The following CAST variants were observed in gnomAD, a reference collection of about 807,000 sequenced individuals.
CAST encodes calpastatin, also known as MIR583 host.
A neutral mutation model predicts 119.6 loss-of-function variants in CAST; 76 were observed. The ratio of observed to expected loss-of-function variants is 0.64; its 90% confidence interval spans 0.53 to 0.77. The LOEUF (loss-of-function observed/expected upper bound fraction) is 0.77. Ranked by LOEUF, CAST falls within the 30% of genes least tolerant of loss-of-function variation. The probability of loss-of-function intolerance (pLI) is 0.00; values close to 1 mark genes in which losing one functional copy is unlikely to be tolerated. For missense variants in CAST, 953 were observed against 946.5 expected, an observed-to-expected ratio of 1.01 and a Z score of -0.09; for synonymous variants, 319 against 331.6, an observed-to-expected ratio of 0.96 and a Z score of 0.41.
chr5:96,628,595 T>G (rs958351254), intron 1 of CAST, among the ~76,000 whole-genome samples: 2 of 152,200 alleles, frequency 1.3e-5, no homozygotes, highest in East Asian at 1.9e-4. Context: ...GCCCCAAGCT[T>G]GTCTCTGCCA....
At chr5:96,574,445 T>C (rs1268303621) in intron 1 of CAST, among the ~76,000 whole-genome samples, 2 of 152,230 alleles carry the variant, frequency 1.3e-5, no homozygotes, top group African/African-American at 4.8e-5. Flanking sequence ...TAGTCATTTA[T>C]TGAACATACG....
chr5:96,224,011 T>A, the CAST span, among the ~76,000 whole-genome samples: 2 of 152,112 alleles, frequency 1.3e-5, no homozygotes, highest in Non-Finnish European at 2.9e-5. Context: ...AAGAATAGAT[T>A]GTGATGGTTA....
At chr5:96,167,298 G>C in the CAST span, among the ~76,000 whole-genome samples, 5 of 152,196 alleles carry the variant, frequency 3.3e-5, no homozygotes, top group African/African-American at 9.6e-5. Context: ...TAAACCGGCA[G>C]TGTAAACAAG....
chr5:96,081,570 G>C, the CAST span, among the ~76,000 whole-genome samples: 9 of 152,186 alleles, frequency 5.9e-5, no homozygotes, highest in African/African-American at 2.2e-4. Context: ...GGGCCATTCT[G>C]TTCAGGGAAC....
At chr5:96,371,543 A>C in the CAST span, among the ~76,000 whole-genome samples, 2 of 152,236 alleles carry the variant, frequency 1.3e-5, no homozygotes, top group Non-Finnish European at 2.9e-5. Context: ...TGAACGCTCA[A>C]GGTGCAAAAT....
At chr5:95,998,042 C>G in the CAST span, among the ~76,000 whole-genome samples, 14 of 129,476 alleles carry the variant, frequency 1.1e-4, no homozygotes, top group African/African-American at 4.0e-4. Context: ...GGTGGTATGT[C>G]CATGTAATGG....
the CAST span, among the ~76,000 whole-genome samples, chr5:96,178,521 A>G: frequency 6.6e-6 from 1 of 152,094 alleles, no homozygotes; most frequent in African/African-American, 2.4e-5. Flanking sequence ...GAATAGAAGA[A>G]AAAAAAAGAA....
At chr5:96,022,562 G>T in the CAST span, among the ~76,000 whole-genome samples, 1 of 152,166 alleles carries the variant, frequency 6.6e-6, no homozygotes, top group African/African-American at 2.4e-5. Context: ...TCCCCAATAT[G>T]AACAGGCTGG....
At chr5:96,006,312 A>G in the CAST span, among the ~76,000 whole-genome samples, 1 of 152,060 alleles carries the variant, frequency 6.6e-6, no homozygotes, top group African/African-American at 2.4e-5. Context: ...ATGGAAGAAG[A>G]ATTGTCTTGG....
the CAST span, among the ~76,000 whole-genome samples, chr5:96,191,267 A>G: frequency 5.9e-5 from 9 of 152,220 alleles, no homozygotes; most frequent in African/African-American, 2.2e-4. Flanking sequence ...TAAGCAGAAA[A>G]ACTACCATGG....
Position 96,675,571 on chromosome 5 carries a change from C to T in CAST, c.108C>T (p.Ser36=), listed in dbSNP as rs376842478. ...GTGAAAAAACCAGTGAATCGCCTTC[C>T]AAACCAGGAGAAAAGAAAGGATCAG... ...HVSEKTSESP[S]KPGEKKGSDE... Residue 36 remains serine, a synonymous_variant, in exon 2 of 32, where the codon TCC becomes TCT. Coordinates refer to ENST00000675179, the MANE Select transcript of CAST (RefSeq NM_001750.7). 1.7e-5 allele frequency: 28 copies of T among 1,613,306 alleles called. No individual in the cohort carries two copies. The highest frequency in any genetic ancestry group is 6.7e-5 in the Admixed American group (4 of 59,992).
the CAST span, among the ~76,000 whole-genome samples, chr5:96,451,932 C>T: frequency 2.0e-5 from 3 of 152,280 alleles, no homozygotes; most frequent in East Asian, 1.9e-4. Flanking sequence ...AAATCAAAAC[C>T]GCAATGAGAT....
the CAST span, among the ~76,000 whole-genome samples, chr5:96,004,762 T>C: frequency 6.6e-6 from 1 of 152,220 alleles, no homozygotes; most frequent in East Asian, 1.9e-4. Flanking sequence ...ATAAGAGATA[T>C]CAACAAAATT....
intron 24 of CAST, chr5:96,760,763 TAA>T (rs981358025): frequency 2.5e-4 from 38 of 152,050 alleles, no homozygotes; most frequent in African/African-American, 7.7e-4. Context: ...GGCCATACAT[TAA>T]GTCAGTTTAA....
chr5:96,192,201 T>TA, the CAST span, among the ~76,000 whole-genome samples: 1 of 152,230 alleles, frequency 6.6e-6, no homozygotes, highest in Non-Finnish European at 1.5e-5. Context: ...CAGCAATTTT[T>TA]ATAGCTATTT....
chr5:96,068,928 T>C, the CAST span, among the ~76,000 whole-genome samples: 1 of 150,858 alleles, frequency 6.6e-6, no homozygotes, highest in East Asian at 2.0e-4. Flanking sequence ...TTGGTTTACA[T>C]GTATACATAC....
chr5:96,087,362 A>T, the CAST span, among the ~76,000 whole-genome samples: 1 of 152,238 alleles, frequency 6.6e-6, no homozygotes, highest in African/African-American at 2.4e-5. Context: ...TCTTCTTAAA[A>T]TTCAAACTTC....
the CAST span, among the ~76,000 whole-genome samples, chr5:96,383,141 C>T: frequency 1.3e-5 from 2 of 152,046 alleles, no homozygotes; most frequent in African/African-American, 4.8e-5. Context: ...GACACATATA[C>T]GAGAGGTTCT....
At chr5:96,295,942 TTA>T in the CAST span, among the ~76,000 whole-genome samples, 1 of 152,228 alleles carries the variant, frequency 6.6e-6, no homozygotes, top group African/African-American at 2.4e-5. Flanking sequence ...TTAACAGTTG[TTA>T]TGTCTAAATG....
Sources: gnomAD v4.1 joint callset for allele counts (sites outside exome capture counted in the v4.1 genomes callset) on GRCh38, gnomAD v4.1.1 for gene constraint, MANE v1.5 for transcripts, NCBI Gene and HGNC (gene_info 2026-07-23, HGNC 2026-07-21) for gene names.